The following ADARB2 variants were observed in gnomAD, a reference collection of about 807,000 sequenced individuals.
ADARB2 encodes inactive double-stranded RNA-specific editase B2.
A neutral mutation model predicts 62.2 loss-of-function variants in ADARB2; 25 were observed. The ratio of observed to expected loss-of-function variants is 0.40; its 90% CI spans 0.29 to 0.56. ADARB2 has a LOEUF of 0.56. ADARB2 is among the 20% of genes least tolerant of loss of function. The pLI, the probability that ADARB2 is intolerant of heterozygous loss-of-function variation, is 0.43. For missense variants in ADARB2, 1,071 were observed against 1,077.4 expected, an observed-to-expected ratio of 0.99 and a Z score of 0.08; for synonymous variants, 572 against 500.8, an observed-to-expected ratio of 1.14 and a Z score of -1.90.
chr10:1,622,795 C>T lies in ADARB2; in HGVS notation c.100+114256G>A, dbSNP rs182814976. ...TTTCTTAAATAGCTAAACATATACC[C>T]GCCATATAACAGAGTACTTCAGCAC... On this transcript the variant is annotated intron_variant, in intron 1 of 9. Coordinates refer to ENST00000381312, the MANE Select transcript of ADARB2 (RefSeq NM_018702.4). 1.2e-4 allele frequency among the ~76,000 whole-genome samples: 19 copies of T among 152,242 alleles called. No homozygotes were observed. In the South Asian group the frequency reaches 2.9e-3, roughly 23 times the overall value.
At chr10:1,190,750 C>T (rs1264816976) in intron 8 of ADARB2, among the ~76,000 whole-genome samples, 2 of 152,244 alleles carry the variant, frequency 1.3e-5, no homozygotes, top group African/African-American at 4.8e-5. Flanking sequence ...ACAGAGGTGG[C>T]TGCAGGCAGG....
intron 1 of ADARB2, among the ~76,000 whole-genome samples, chr10:1,544,821 ATATGTAAAGAG>A: frequency 6.6e-6 from 1 of 152,158 alleles, no homozygotes; most frequent in Non-Finnish European, 1.5e-5. Flanking sequence ...GGTGTATATG[ATATGTAAAGAG>A]TATGTAATAT....
chr10:1,620,434 A>T (rs1339870688), intron 1 of ADARB2, among the ~76,000 whole-genome samples: 5 of 152,244 alleles, frequency 3.3e-5, no homozygotes, highest in Non-Finnish European at 7.3e-5. Context: ...ATGACTAAAG[A>T]GGAAATAAAA....
At chr10:1,409,045 C>T (rs1310527758) in intron 1 of ADARB2, among the ~76,000 whole-genome samples, 3 of 152,234 alleles carry the variant, frequency 2.0e-5, no homozygotes, top group Non-Finnish European at 2.9e-5. Context: ...TAATGAGCTC[C>T]TGCTCACTCC....
At chr10:1,341,215 C>G (rs1455924085) in intron 3 of ADARB2, among the ~76,000 whole-genome samples, 1 of 151,902 alleles carries the variant, frequency 6.6e-6, no homozygotes, top group Non-Finnish European at 1.5e-5. Flanking sequence ...CACCAGAGAA[C>G]CACGTGCCCC....
chr10:1,457,168 T>C lies in ADARB2; in HGVS notation c.101-78008A>G, dbSNP rs976117972. ...TGAACAAAATAAAACCACTCAAAAC[T>C]ACAAAGGAAATCTTCAGAGAATAAT... On this transcript the variant is annotated intron_variant, in intron 1 of 9. Coordinates refer to ENST00000381312, the MANE Select transcript of ADARB2 (RefSeq NM_018702.4). Among the ~76,000 whole-genome samples, 7 of 152,150 alleles carry C rather than the reference T, an allele frequency of 4.6e-5. 1 individual carries two copies. The highest frequency in any genetic ancestry group is 8.8e-5 in the Non-Finnish European group (6 of 68,008).
intron 6 of ADARB2, among the ~76,000 whole-genome samples, chr10:1,225,427 G>T (rs1830736487): frequency 6.6e-6 from 1 of 152,050 alleles, no homozygotes; most frequent in African/African-American, 2.4e-5. Context: ...GGTTAGTATT[G>T]TTATGTGTGA....
At chr10:1,370,345 C>T (rs1467667749) in intron 2 of ADARB2, among the ~76,000 whole-genome samples, 2 of 152,204 alleles carry the variant, frequency 1.3e-5, no homozygotes, top group Non-Finnish European at 2.9e-5. Flanking sequence ...CAGCCAACGT[C>T]ACACTTAATG....
chr10:1,394,843 A>G (rs770010952), intron 1 of ADARB2: 112 of 457,000 alleles, frequency 2.5e-4, no homozygotes, highest in Non-Finnish European at 1.1e-4. Context: ...GGGTCACCCC[A>G]TATACCAGGA....
At chr10:1,557,868 C>T (rs1198962597) in intron 1 of ADARB2, among the ~76,000 whole-genome samples, 1 of 152,092 alleles carries the variant, frequency 6.6e-6, no homozygotes, top group East Asian at 1.9e-4. Flanking sequence ...GCTGAGGTTG[C>T]GGTGAGCTGA....
intron 7 of ADARB2, among the ~76,000 whole-genome samples, chr10:1,209,656 C>T (rs1837122291): frequency 6.6e-6 from 1 of 151,136 alleles, no homozygotes; most frequent in African/African-American, 2.4e-5. Flanking sequence ...CCCATGCCTG[C>T]ACCGTCACCC....
At chr10:1,585,402 A>T (rs892334079) in intron 1 of ADARB2, among the ~76,000 whole-genome samples, 2 of 152,124 alleles carry the variant, frequency 1.3e-5, no homozygotes, top group African/African-American at 4.8e-5. Context: ...AAAAAGCTAC[A>T]TGCTTCCCTC....
chr10:1,464,847 A>G lies in ADARB2; in HGVS notation c.101-85687T>C, dbSNP rs369585340. On this transcript the variant is annotated intron_variant, in intron 1 of 9. Transcript: ENST00000381312. ...AGTCACAGCGGGCAGTGCACTGGAG[A>G]AGAGGGTGGACACACACTCGGCGGA... Among the ~76,000 whole-genome samples, 63 of 152,304 alleles carry G rather than the reference A, an allele frequency of 4.1e-4. No individual in the cohort carries two copies. The East Asian group carries it at 0.012, about 29-fold the overall frequency.
chr10:1,344,012 T>G (rs956217745), intron 3 of ADARB2, among the ~76,000 whole-genome samples: 1 of 152,112 alleles, frequency 6.6e-6, no homozygotes, highest in African/African-American at 2.4e-5. Flanking sequence ...ACATGTACCC[T>G]TGAACCTAAA....
intron 1 of ADARB2, among the ~76,000 whole-genome samples, chr10:1,591,688 C>T (rs1833258289): frequency 1.3e-5 from 2 of 152,146 alleles, no homozygotes; most frequent in Admixed American, 1.3e-4. Context: ...CGCACACACT[C>T]ACCAGGACCC....
chr10:1,278,736 A>G (rs1393026987), intron 3 of ADARB2, among the ~76,000 whole-genome samples: 1 of 151,574 alleles, frequency 6.6e-6, no homozygotes, highest in Non-Finnish European at 1.5e-5. Flanking sequence ...TCTGCAATCC[A>G]CTGCCTTTAG....
At chr10:1,402,593 C>A (rs1196631455) in intron 1 of ADARB2, among the ~76,000 whole-genome samples, 1 of 152,140 alleles carries the variant, frequency 6.6e-6, no homozygotes, top group East Asian at 1.9e-4. Flanking sequence ...CAATGGCGCA[C>A]ACTGTCATCG....
At chr10:1,604,024 C>A (rs534062540) in intron 1 of ADARB2, among the ~76,000 whole-genome samples, 1 of 152,172 alleles carries the variant, frequency 6.6e-6, no homozygotes, top group East Asian at 1.9e-4. Flanking sequence ...AGGCTGGTCT[C>A]AAACTCCTGA....
At chr10:1,678,401 G>A in intron 1 of ADARB2, 2 of 913,248 alleles carry the variant, frequency 2.2e-6, no homozygotes, top group Non-Finnish European at 2.6e-6. Context: ...TCCTTGGGGT[G>A]AGCGTCTGCG....
Sources: gnomAD v4.1 joint callset for allele counts (sites outside exome capture counted in the v4.1 genomes callset) on GRCh38, gnomAD v4.1.1 for gene constraint, MANE v1.5 for transcripts, NCBI Gene and HGNC (gene_info 2026-07-23, HGNC 2026-07-21) for gene names.